A2ML1: variants seen among roughly 807,000 people sequenced by gnomAD.
The protein encoded by A2ML1 is alpha-2-macroglobulin-like protein 1.
A neutral mutation model predicts 181.9 loss-of-function variants in A2ML1; 161 were observed. The ratio of observed to expected loss-of-function variants is 0.89; its 90% CI spans 0.78 to 1.01. The LOEUF is 1.01. Among genes scored for constraint, A2ML1 ranks in the 50% least tolerant of loss-of-function variants. The probability of loss-of-function intolerance (pLI) is 0.00; values close to 1 mark genes in which losing one functional copy is unlikely to be tolerated. For synonymous variants in A2ML1, 663 were observed against 666.8 expected, an observed-to-expected ratio of 0.99 and a Z score of 0.09; for missense variants, 1,670 against 1,768.1, an observed-to-expected ratio of 0.94 and a Z score of 1.00.
chr12:8,861,568 A>G (rs1400961114), intron 28 of A2ML1, among the ~76,000 whole-genome samples: 1 of 151,966 alleles, frequency 6.6e-6, no homozygotes, highest in African/African-American at 2.4e-5. Flanking sequence ...GCTCACTCCA[A>G]GTTCCGCCTC....
In A2ML1 at chr12:8,834,013, T is replaced by C. The variant is rs117055843; in HGVS notation, c.463-649T>C. On this transcript the variant is annotated intron_variant, in intron 4 of 35. Transcript: ENST00000299698. ...GTTAGATCCAAACTGGTCTTCTCTTTTGAATACCTTTGCAGTCTCTCTGAG... is the reference window on the plus strand; with the variant it reads ...GTTAGATCCAAACTGGTCTTCTCTTCTGAATACCTTTGCAGTCTCTCTGAG... Among the ~76,000 whole-genome samples the C allele has an allele frequency of 1.5e-3, 223 of 152,170 alleles. 8 individuals are homozygous for C. The East Asian group carries it at 0.037, about 25-fold the overall frequency.
intron 2 of A2ML1, 144 bp downstream of exon 2, chr12:8,823,509 C>T (rs941441850): frequency 1.1e-5 from 12 of 1,097,724 alleles, no homozygotes; most frequent in South Asian, 4.9e-5. Flanking sequence ...CCTCAATCCC[C>T]GGCTATAACT....
chr12:8,874,962 A>G lies in A2ML1; in HGVS notation c.4325-9A>G. 1.2e-6 allele frequency: 2 copies of G among 1,614,030 alleles called. No homozygotes were observed. Among genetic ancestry groups the G allele is most frequent in the African/African-American group, 1.3e-5 (1 of 75,046 alleles). On this transcript the variant is annotated splice_polypyrimidine_tract_variant and intron_variant, in intron 34 of 35. Coordinates refer to ENST00000299698, the MANE Select transcript of A2ML1 (RefSeq NM_144670.6). ...TCAAAGTAATAATATGACTTATTTCATTTCACAGATGAACAGGCAACAATT... is the reference window on the plus strand; with the variant it reads ...TCAAAGTAATAATATGACTTATTTCGTTTCACAGATGAACAGGCAACAATT...
chr12:8,849,569 A>G (rs1943816508), intron 16 of A2ML1, 100 bp from the exon 17 acceptor site: 1 of 968,028 alleles, frequency 1.0e-6, no homozygotes, highest in African/African-American at 1.6e-5. Flanking sequence ...ATTCAAAAAG[A>G]ATGTTTTGTT....
intron 29 of A2ML1, among the ~76,000 whole-genome samples, chr12:8,865,971 C>G (rs762473000): frequency 1.8e-4 from 27 of 151,962 alleles, no homozygotes; most frequent in Non-Finnish European, 3.4e-4. Context: ...TAAATCAGAC[C>G]TGAAAGAATG....
chr12:8,857,695 C>T, intron 25 of A2ML1, 107 bp downstream of exon 25: 3 of 1,264,990 alleles, frequency 2.4e-6, no homozygotes, highest in Non-Finnish European at 3.4e-6. Flanking sequence ...TTCTTGCACT[C>T]AGTCTTCTAC....
chr12:8,835,297 TG>T (rs1287111666), intron 5 of A2ML1, among the ~76,000 whole-genome samples: 1 of 152,160 alleles, frequency 6.6e-6, no homozygotes, highest in Admixed American at 6.6e-5. Flanking sequence ...TCCTACCAAA[TG>T]GGGGCTGGAT....
In A2ML1 at chr12:8,864,011, A is replaced by C. The variant is rs1421681855; in HGVS notation, c.3717+3A>C. ...ATGGGGGCTTCTCTTCTACTCAGGT[A>C]AACAGCCTGTTCTCCCACTGCCACT... On this transcript the variant is annotated splice_donor_region_variant and intron_variant, in intron 29 of 35. Coordinates refer to ENST00000299698, the MANE Select transcript of A2ML1 (RefSeq NM_144670.6). 2 of 1,610,410 alleles carry C rather than the reference A, an allele frequency of 1.2e-6. No homozygotes were observed. Among genetic ancestry groups the C allele is most frequent in the Non-Finnish European group, 1.7e-6 (2 of 1,178,630 alleles).
chr12:8,863,033 A>G (rs750449629), intron 28 of A2ML1, among the ~76,000 whole-genome samples: 1 of 151,926 alleles, frequency 6.6e-6, no homozygotes, highest in South Asian at 2.1e-4. Context: ...TGGCCTCATT[A>G]GCATTTCTTC....
At chr12:8,875,264 G>A (rs1227225176) in intron 35 of A2ML1, among the ~76,000 whole-genome samples, 2 of 151,732 alleles carry the variant, frequency 1.3e-5, no homozygotes, top group Admixed American at 6.6e-5. Flanking sequence ...TTTTAGTAGA[G>A]ACAGAGTTTC....
chr12:8,851,904 T>A lies in A2ML1; in HGVS notation c.2355T>A (p.Thr785=). The A allele has an allele frequency of 6.2e-7, 1 of 1,614,220 alleles. No individual in the cohort carries two copies. Among genetic ancestry groups the A allele is most frequent in the Non-Finnish European group, 8.5e-7 (1 of 1,180,032 alleles). Residue 785 remains threonine (T), a synonymous_variant, in exon 19 of 36, where the codon ACT becomes ACA. Coordinates refer to ENST00000299698, the MANE Select transcript of A2ML1 (RefSeq NM_144670.6). ...GGCTTTCACCCACTGTTGGACTAAC[T>A]GCTTTCAAGCCGTTCTTTGTTGACC... The part of the protein sequence containing the change: ...GFGLSPTVGL[T]AFKPFFVDLT...
intron 21 of A2ML1, 31 bp from the exon 22 acceptor site, chr12:8,854,749 T>C: frequency 1.2e-6 from 2 of 1,613,436 alleles, no homozygotes; most frequent in Non-Finnish European, 1.7e-6. Flanking sequence ...TTCATCTTTG[T>C]TGTTTTTATC....
intron 7 of A2ML1, among the ~76,000 whole-genome samples, chr12:8,886,256 G>A (rs1451605078): frequency 1.3e-5 from 2 of 152,110 alleles, no homozygotes; most frequent in Non-Finnish European, 2.9e-5. Flanking sequence ...ATAATATTAA[G>A]TTTCTAATTT....
At position 8,867,914 on chromosome 12, in the gene A2ML1, C is replaced by G; in HGVS notation, c.3790C>G (p.Leu1264Val). 1 of 1,614,250 alleles carries G rather than the reference C, an allele frequency of 6.2e-7. No homozygotes were observed. Among genetic ancestry groups the G allele is most frequent in the Non-Finnish European group, 8.5e-7 (1 of 1,180,054 alleles). Residue 1264 changes from leucine (L) to valine (V), a missense_variant, in exon 30 of 36, where the codon CTG becomes GTG. Leu to Val is a conservative substitution (Grantham distance 32). Transcript: ENST00000299698. ...CTACATGCCATCTGAGGAGATCAAC[C>G]TGGTTGTAAAATCCACTGAGAATTT... ...TAYMPSEEIN[L>V]VVKSTENFQR...
In A2ML1 at chr12:8,824,168, A is replaced by G. The variant is rs10842349; in HGVS notation, c.409+286A>G. ...ACTGGGTTGCTGGGCCTTACAACAA[A>G]CTGCTTGTAAATGGCTAAGAAAGCA... On this transcript the variant is annotated intron_variant, in intron 3 of 35. Coordinates refer to ENST00000299698, the MANE Select transcript of A2ML1 (RefSeq NM_144670.6). Among the ~76,000 whole-genome samples, 114,986 of 150,002 alleles carry G rather than the reference A, an allele frequency of 0.77. 46,084 individuals carry two copies. The highest frequency in any genetic ancestry group is 0.91 in the Non-Finnish European group (61,569 of 67,834).
chr12:8,839,948 T>C (rs1943412361), intron 10 of A2ML1, among the ~76,000 whole-genome samples: 1 of 152,078 alleles, frequency 6.6e-6, no homozygotes, highest in African/African-American at 2.4e-5. Flanking sequence ...GGTTTCTCCA[T>C]GTTGGTCAGG....
chr12:8,861,124 T>C lies in A2ML1; in HGVS notation c.3340-11T>C. On this transcript the variant is annotated splice_polypyrimidine_tract_variant and intron_variant, in intron 27 of 35. Transcript: ENST00000299698. The stretch of plus-strand genomic sequence containing the variant: ...GCCTTATAAGTTATAGTCTTCATCT[T>C]CACTTTTTAGGACCCAATGGTGAGT... The C allele has an allele frequency of 6.2e-7, 1 of 1,614,014 alleles. No homozygotes were observed. The highest frequency in any genetic ancestry group is 8.5e-7 in the Non-Finnish European group (1 of 1,179,956).
chr12:8,883,928 G>GAT (rs1278525520), intron 7 of A2ML1, among the ~76,000 whole-genome samples: 1,523 of 152,200 alleles, frequency 0.01, 26 homozygotes, highest in African/African-American at 0.035. Context: ...TGAGACTACA[G>GAT]GCGCCCGCCA....
downstream of A2ML1, among the ~76,000 whole-genome samples, chr12:8,878,185 C>T (rs1343581768): frequency 6.6e-6 from 1 of 152,116 alleles, no homozygotes; most frequent in Non-Finnish European, 1.5e-5. The surrounding 1 kb of genome is among the most constrained non-coding windows in gnomAD (Gnocchi z 4.4). Context: ...TGCCTATAAT[C>T]CCAGCTACTG....
Sources: gnomAD v4.1 joint callset for allele counts (sites outside exome capture counted in the v4.1 genomes callset) on GRCh38, gnomAD v4.1.1 for gene constraint, Gnocchi (gnomAD v3.1) non-coding constraint, MANE v1.5 for transcripts, NCBI Gene and HGNC (gene_info 2026-07-23, HGNC 2026-07-21) for gene names.